Variants in TDRD1 observed in about 807,000 individuals in gnomAD.
The protein encoded by TDRD1 is tudor domain-containing protein 1.
In TDRD1, 37 loss-of-function variants were observed where a neutral mutation model predicts 140.6. The ratio of observed to expected loss-of-function variants is 0.26; its 90% CI spans 0.20 to 0.35. TDRD1 has a LOEUF of 0.35. TDRD1 is among the 10% of genes least tolerant of loss of function. The pLI is 1.00. For synonymous variants in TDRD1, 506 were observed against 475.7 expected, an observed-to-expected ratio of 1.06 and a Z score of -0.83; for missense variants, 1,243 against 1,393.0, an observed-to-expected ratio of 0.89 and a Z score of 1.71.
chr10:114,193,668 T>C (rs1346380223), intron 3 of TDRD1, among the ~76,000 whole-genome samples: 1 of 152,220 alleles, frequency 6.6e-6, no homozygotes, highest in Non-Finnish European at 1.5e-5. Context: ...GGGACAGTTT[T>C]ATGTTTTCTT....
chr10:114,220,418 A>G lies in TDRD1; in HGVS notation c.2495-150A>G, dbSNP rs550873569. 1.0e-3 allele frequency: 618 copies of G among 609,816 alleles called. 3 individuals carry two copies. Among genetic ancestry groups the G allele is most frequent in the Non-Finnish European group, 1.5e-3 (512 of 344,780 alleles). The allele number at this position is 609,816 out of a possible 1,614,324, so 37.8% of individuals were successfully genotyped here. The stretch of plus-strand genomic sequence containing the variant: ...AAGTGCATTATCTCTTAAGTCAGGC[A>G]TGCAGGATGTAGGTGTATAATTGAA... On this transcript the variant is annotated intron_variant, in intron 18 of 25. Coordinates refer to ENST00000251864, the Ensembl canonical transcript of TDRD1.
intron 16 of TDRD1, among the ~76,000 whole-genome samples, 155 bp downstream of exon 16, chr10:114,214,269 GCTTTTATTCTCTTTT>G (rs2035669898): frequency 6.6e-6 from 1 of 152,172 alleles, no homozygotes; most frequent in Non-Finnish European, 1.5e-5. Context: ...TACTTAGTTA[GCTTTTATTCTCTTTT>G]AAGCCATTAT....
chr10:114,177,840 T>C (rs1251098929), upstream of TDRD1, among the ~76,000 whole-genome samples: 5 of 149,632 alleles, frequency 3.3e-5, no homozygotes, highest in South Asian at 2.2e-4. Flanking sequence ...TTTTCTTTTT[T>C]TTTTTTTTTT....
intron 25 of TDRD1, among the ~76,000 whole-genome samples, chr10:114,229,768 A>C (rs533320912): frequency 6.6e-6 from 1 of 150,814 alleles, no homozygotes. Context: ...ATGCAATGAC[A>C]TGGATTTCTG....
intron 1 of TDRD1, among the ~76,000 whole-genome samples, chr10:114,184,028 A>T (rs1393441083): frequency 1.3e-5 from 2 of 152,154 alleles, no homozygotes; most frequent in Non-Finnish European, 2.9e-5. Flanking sequence ...AATGCTTTTT[A>T]AAAACCCCAT....
rs139090815 is a variant in TDRD1, at chr10:114,221,419, A to T, written c.2833A>T (p.Asn945Tyr). The T allele has an allele frequency of 1.5e-3, 2,349 of 1,613,300 alleles. 4 individuals carry two copies. Among genetic ancestry groups the T allele is most frequent in the Non-Finnish European group, 1.8e-3 (2,168 of 1,179,304 alleles). Residue 945 changes from asparagine (N) to tyrosine (Y), a missense_variant, in exon 20 of 26, where the codon AAT becomes TAT. Coordinates refer to ENST00000251864, the Ensembl canonical transcript of TDRD1. ...GCCAGTGGATAAAACTATACAAGCAAATGTATTAGAAATCATAAGCCCAAA... is the reference window on the plus strand; with the variant it reads ...GCCAGTGGATAAAACTATACAAGCATATGTATTAGAAATCATAAGCCCAAA...
Position 114,215,296 on chromosome 10 carries a change from T to C in TDRD1, c.2212+1182T>C, listed in dbSNP as rs550951964. 8.5e-5 allele frequency among the ~76,000 whole-genome samples: 13 copies of C among 152,344 alleles called. No homozygotes were observed. The South Asian group carries it at 1.0e-3, about 12-fold the overall frequency. ...GTGTTCTGTGAATTGTATTGCAGTT[T>C]CTTTCTACCATTGGACACTTGGCCT... On this transcript the variant is annotated intron_variant, in intron 16 of 25. Coordinates refer to ENST00000251864, the Ensembl canonical transcript of TDRD1.
At chr10:114,221,609 C>A in intron 20 of TDRD1, 133 bp downstream of exon 20, 2 of 857,394 alleles carry the variant, frequency 2.3e-6, no homozygotes, top group African/African-American at 1.7e-5. Flanking sequence ...GATCATAACA[C>A]TTAAGGCAAA....
exon 2 of TDRD1, chr10:114,188,117 G>A: frequency 3.1e-6 from 5 of 1,606,170 alleles, no homozygotes; most frequent in Non-Finnish European, 4.3e-6. Flanking sequence ...CAACGGAGAA[G>A]TAGTTGGCTC....
intron 2 of TDRD1, among the ~76,000 whole-genome samples, chr10:114,188,832 G>A (rs2033742712): frequency 6.7e-6 from 1 of 149,822 alleles, no homozygotes; most frequent in Non-Finnish European, 1.5e-5. Context: ...ACTCCAGCCT[G>A]GTGACAGAGC....
intron 1 of TDRD1, among the ~76,000 whole-genome samples, chr10:114,187,442 C>T (rs563490800): frequency 7.2e-5 from 11 of 152,298 alleles, no homozygotes; most frequent in East Asian, 3.9e-4. Context: ...AGGTAGGTGA[C>T]GACCTGATTT....
chr10:114,207,400 C>G (rs1486654588), intron 11 of TDRD1, among the ~76,000 whole-genome samples: 1 of 152,094 alleles, frequency 6.6e-6, no homozygotes, highest in Non-Finnish European at 1.5e-5. Flanking sequence ...TTCTTTCTTT[C>G]CCTACTACCA....
chr10:114,231,813 A>G (rs11557494), exon 26 of TDRD1: 4 of 310,042 alleles, frequency 1.3e-5, no homozygotes, highest in South Asian at 1.4e-4. Flanking sequence ...AAGGAAGGCC[A>G]GGTGCAGTGG....
rs2034802473 is a variant in TDRD1, at chr10:114,202,301, A to G, written c.696+3A>G. On this transcript the variant is annotated splice_donor_region_variant and intron_variant, in intron 6 of 25. Transcript: ENST00000251864. ...AGGATGTGGAGGTAAACAATAAGGT[A>G]TGGTATACTTTGTCTTTAAATTTTG... is the stretch of plus-strand genomic sequence containing the variant. 2 of 1,589,910 alleles carry G rather than the reference A, an allele frequency of 1.3e-6. No individual in the cohort carries two copies. The highest frequency in any genetic ancestry group is 1.7e-6 in the Non-Finnish European group (2 of 1,166,530).
intron 20 of TDRD1, among the ~76,000 whole-genome samples, chr10:114,221,896 T>C (rs1268284202): frequency 6.6e-6 from 1 of 152,222 alleles, no homozygotes; most frequent in African/African-American, 2.4e-5. Context: ...AAGTAGCATA[T>C]AAAAATTTAT....
At chr10:114,210,230 A>T (rs2035393688) in intron 11 of TDRD1, among the ~76,000 whole-genome samples, 1 of 152,170 alleles carries the variant, frequency 6.6e-6, no homozygotes, top group South Asian at 2.1e-4. Context: ...ATCTAATCTG[A>T]TGTGTTTCTA....
At chr10:114,204,651 A>G in intron 9 of TDRD1, 71 bp from the exon 10 acceptor site, 8 of 1,417,776 alleles carry the variant, frequency 5.6e-6, no homozygotes, top group South Asian at 1.4e-5. Context: ...ACATTCTTTT[A>G]TATACAAATA....
At chr10:114,206,404 C>A in intron 11 of TDRD1, 74 bp downstream of exon 11, 1 of 1,169,450 alleles carries the variant, frequency 8.6e-7, no homozygotes, top group Non-Finnish European at 1.3e-6. Flanking sequence ...AACAAAGGCA[C>A]AACTTTAGCA....
intron 25 of TDRD1, among the ~76,000 whole-genome samples, chr10:114,230,493 G>A (rs1367059412): frequency 5.3e-5 from 8 of 152,144 alleles, no homozygotes; most frequent in African/African-American, 1.9e-4. Flanking sequence ...TTACAGTTAA[G>A]GAAGCTGAGG....
Sources: allele counts gnomAD v4.1 joint callset (sites outside exome capture counted in the v4.1 genomes callset), GRCh38; gene constraint gnomAD v4.1.1; transcripts MANE v1.5; gene names NCBI Gene and HGNC (gene_info 2026-07-23, HGNC 2026-07-21).